The following AP1B1 variants were observed in gnomAD, a reference collection of about 807,000 sequenced individuals.
AP1B1 encodes the protein AP-1 complex subunit beta-1.
Under a neutral mutation model 104.3 loss-of-function variants are expected in AP1B1, and 36 were observed. The ratio of observed to expected loss-of-function variants is 0.35; its 90% CI spans 0.26 to 0.46. The LOEUF is 0.46. AP1B1 is among the 20% of genes least tolerant of loss of function. The pLI, the probability that AP1B1 is intolerant of heterozygous loss-of-function variation, is 1.00. For missense variants in AP1B1, 901 were observed against 1,247.9 expected (o/e 0.72, Z 4.19); for synonymous variants, 504 against 517.5 (o/e 0.97, Z 0.35).
chr22:29,381,021 C>T (rs544381258), intron 1 of AP1B1, among the ~76,000 whole-genome samples: 237 of 152,308 alleles, frequency 1.6e-3, no homozygotes, highest in African/African-American at 5.4e-3. Flanking sequence ...CCCTCAGCTC[C>T]AGCCGCACAG....
intron 13 of AP1B1, among the ~76,000 whole-genome samples, chr22:29,341,233 G>A (rs1315658393): frequency 6.6e-6 from 1 of 152,266 alleles, no homozygotes; most frequent in African/African-American, 2.4e-5. Context: ...AGCTCTGCTA[G>A]CTGTGAGATC....
In AP1B1 at chr22:29,330,673, G is replaced by T. The variant is rs780974385; in HGVS notation, c.2561C>A (p.Pro854His). Residue 854 changes from proline (P) to histidine (H), a missense_variant, in exon 20 of 23, where the codon CCC becomes CAC. By Grantham distance (77) the Pro-to-His change is moderately conservative. Coordinates refer to ENST00000357586, the MANE Select transcript of AP1B1 (RefSeq NM_001127.4). ...CTGGAACTGGGCCTCATTCTCATTG[G>T]GAATATCCTTCCATGTGGCCAGGAA... is the stretch of plus-strand genomic sequence containing the variant. ...QMFLATWKDI[P>H]NENEAQFQIR... 1 of 1,613,758 alleles carries T rather than the reference G, an allele frequency of 6.2e-7. No homozygotes were observed. The highest frequency in any genetic ancestry group is 2.2e-5 in the East Asian group (1 of 44,872).
At position 29,342,298 on chromosome 22, in the gene AP1B1, C is replaced by A; in HGVS notation, c.1523G>T (p.Ser508Ile). Residue 508 changes from serine (S) to isoleucine (I), a missense_variant, in exon 12 of 23, where the codon AGT (serine) becomes ATT (isoleucine). Around this residue, in one of 3 missense-constraint regions of AP1B1, gnomAD observed 471 missense variants for 696.7 expected, o/e 0.68. Transcript: ENST00000357586. ...TGGGGCACCCACCTGAGTGGCCAAACTGAGGACCTGCTGCACCAGCTCCTG... is the reference window on the plus strand; with the variant it reads ...TGGGGCACCCACCTGAGTGGCCAAAATGAGGACCTGCTGCACCAGCTCCTG... ...ETQELVQQVL[S>I]LATQDSDNPD... 6.2e-7 allele frequency: 1 copy of A among 1,613,980 alleles called. No individual in the cohort carries two copies. The highest frequency in any genetic ancestry group is 8.5e-7 in the Non-Finnish European group (1 of 1,179,958).
Position 29,330,493 on chromosome 22 carries a change from G to C in AP1B1, c.2651C>G (p.Thr884Ser), listed in dbSNP as rs746846617. The change falls in exon 21 of 23, where the codon ACT becomes AGT. Residue 884 changes from threonine to serine, a missense_variant. Physicochemically the swap from Thr to Ser is moderately conservative, Grantham distance 58. Coordinates refer to ENST00000357586, the MANE Select transcript of AP1B1 (RefSeq NM_001127.4). ...SSKLQSSNIF[T>S]VAKRNVEGQD... ...GCCCTCCACGTTCCTCTTGGCGACA[G>C]TGAAGATGTTGCTGCTCTGCAGCTT... The C allele has an allele frequency of 6.2e-7, 1 of 1,612,846 alleles. No homozygotes were observed. Among genetic ancestry groups the C allele is most frequent in the African/African-American group, 1.3e-5 (1 of 74,944 alleles).
chr22:29,353,611 T>C (rs771108636), intron 7 of AP1B1, among the ~76,000 whole-genome samples: 6 of 152,048 alleles, frequency 3.9e-5, no homozygotes, highest in Non-Finnish European at 8.8e-5. Flanking sequence ...TTTCCCATAT[T>C]TACCTCCCTA....
intron 2 of AP1B1, among the ~76,000 whole-genome samples, chr22:29,364,649 C>T (rs1483704947): frequency 6.6e-6 from 1 of 151,798 alleles, no homozygotes; most frequent in Non-Finnish European, 1.5e-5. Context: ...GAACTGATCT[C>T]GTGATCCGCC....
intron 11 of AP1B1, 50 bp from the exon 12 acceptor site, chr22:29,342,433 T>C (rs377208202): frequency 2.7e-6 from 4 of 1,479,846 alleles, no homozygotes; most frequent in East Asian, 4.6e-5. Context: ...CACATGGGGA[T>C]AGAGGGAGAA....
chr22:29,382,746 A>T (rs1372149221), intron 1 of AP1B1, among the ~76,000 whole-genome samples: 6 of 152,138 alleles, frequency 3.9e-5, no homozygotes, highest in Non-Finnish European at 8.8e-5. Flanking sequence ...TGCAAAGGTG[A>T]GTATGTGCCT....
At chr22:29,334,242 C>T (rs372698927) in intron 17 of AP1B1, 23 bp downstream of exon 17, 161 of 1,568,636 alleles carry the variant, frequency 1.0e-4, no homozygotes, top group Non-Finnish European at 1.2e-4. Flanking sequence ...TTGAGAGGTG[C>T]GCTGGCCTCA....
intron 17 of AP1B1, 106 bp downstream of exon 17, chr22:29,334,159 C>G: frequency 9.6e-7 from 1 of 1,045,258 alleles, no homozygotes; most frequent in Non-Finnish European, 1.3e-6. Flanking sequence ...GCACTGCCCT[C>G]CCCTCTACAG....
intron 7 of AP1B1, 139 bp downstream of exon 7, chr22:29,354,511 C>T (rs2061925073): frequency 3.6e-6 from 3 of 826,444 alleles, no homozygotes; most frequent in Non-Finnish European, 5.7e-6. Context: ...AAAGCTGCCA[C>T]TTTGGTTAAG....
chr22:29,384,502 G>C (rs947723791), intron 1 of AP1B1, among the ~76,000 whole-genome samples: 5 of 152,174 alleles, frequency 3.3e-5, no homozygotes, highest in Non-Finnish European at 7.4e-5. Flanking sequence ...CACCTGCTGA[G>C]CACCAACTAT....
chr22:29,350,214 G>A, intron 9 of AP1B1, 64 bp from the exon 10 acceptor site: 1 of 1,320,780 alleles, frequency 7.6e-7, no homozygotes, highest in African/African-American at 1.4e-5. Flanking sequence ...AGCCTCTGAT[G>A]TCCACGCCTC....
At position 29,375,898 on chromosome 22, in the gene AP1B1, C is replaced by A. The variant is rs2062333188; in HGVS notation, c.-27-8628G>T. 2.0e-5 allele frequency among the ~76,000 whole-genome samples: 3 copies of A among 152,212 alleles called. No homozygotes were observed. In the South Asian group the frequency reaches 6.2e-4, roughly 32 times the overall value. ...TTTCACTATGCCTACCTCTCCCCAT[C>A]CTCACCACGGCCCTTCAGACATCCC... is the stretch of plus-strand genomic sequence containing the variant. On this transcript the variant is annotated intron_variant, in intron 1 of 22. Transcript: ENST00000357586.
In AP1B1 at chr22:29,351,452, T is replaced by C. The variant is rs766354866; in HGVS notation, c.1060-186A>G. The C allele has an allele frequency of 9.5e-6, 8 of 843,872 alleles. No homozygotes were observed. In the South Asian group the frequency reaches 1.0e-4, roughly 11 times the overall value. 52.3% of individuals were successfully genotyped at this position (843,872 alleles called of 1,614,324 possible). On this transcript the variant is annotated intron_variant, in intron 8 of 22. Coordinates refer to ENST00000357586, the MANE Select transcript of AP1B1 (RefSeq NM_001127.4). ...GGAAAGAAGGCCTGGACAACCTTGT[T>C]TGGGGTTGATTTAGCTAACATATCC...
At chr22:29,335,643 T>C (rs1357585642) in intron 16 of AP1B1, among the ~76,000 whole-genome samples, 1 of 152,184 alleles carries the variant, frequency 6.6e-6, no homozygotes, top group East Asian at 1.9e-4. Context: ...AATCTGATCA[T>C]GGCACCCTGA....
chr22:29,349,514 A>T, intron 10 of AP1B1, 131 bp from the exon 11 acceptor site: 1 of 907,548 alleles, frequency 1.1e-6, no homozygotes, highest in Non-Finnish European at 1.6e-6. Context: ...AGGGGATCTG[A>T]GTTTTGTTTT....
chr22:29,364,563 C>T (rs1263723739), intron 2 of AP1B1, among the ~76,000 whole-genome samples: 1 of 152,104 alleles, frequency 6.6e-6, no homozygotes, highest in South Asian at 2.1e-4. Context: ...GGACTACAGG[C>T]GTGCGCCATC....
intron 1 of AP1B1, among the ~76,000 whole-genome samples, chr22:29,374,866 A>T (rs2062308633): frequency 3.3e-5 from 5 of 152,218 alleles, no homozygotes; most frequent in African/African-American, 1.2e-4. Context: ...GGATTGTTTT[A>T]AAAAATGACA....
Sources: allele counts gnomAD v4.1 joint callset (sites outside exome capture counted in the v4.1 genomes callset), GRCh38; gene constraint gnomAD v4.1.1; regional missense constraint gnomAD v4.1.1; transcripts MANE v1.5; gene names NCBI Gene and HGNC (gene_info 2026-07-23, HGNC 2026-07-21).